The following DCC variants were observed in gnomAD, a reference collection of about 807,000 sequenced individuals.
DCC encodes DCC netrin 1 receptor.
A neutral mutation model predicts 172.5 loss-of-function variants in DCC; 58 were observed. That is an observed-to-expected ratio of 0.34 (90% CI 0.27 to 0.42). The LOEUF (loss-of-function observed/expected upper bound fraction) is 0.42, where lower values mean the gene tolerates loss of function less well. DCC is among the 10% of genes least tolerant of loss of function. DCC has a pLI of 1.00. For synonymous variants in DCC, 709 were observed against 644.5 expected (o/e 1.10, Z -1.52); for missense variants, 1,740 against 1,791.0 (o/e 0.97, Z 0.51).
At chr18:52,572,662 T>C (rs2033326575) in intron 1 of DCC, among the ~76,000 whole-genome samples, 1 of 152,154 alleles carries the variant, frequency 6.6e-6, no homozygotes, top group East Asian at 1.9e-4. Flanking sequence ...CAGCCTCTGC[T>C]TCACCTCCCA....
intron 5 of DCC, among the ~76,000 whole-genome samples, chr18:53,017,233 T>C (rs2041821390): frequency 6.6e-6 from 1 of 151,972 alleles, no homozygotes; most frequent in Admixed American, 6.6e-5. Flanking sequence ...CCGCCAAAGT[T>C]GGGTGAAGGG....
intron 14 of DCC, among the ~76,000 whole-genome samples, chr18:53,335,276 A>G (rs185899265): frequency 8.1e-4 from 123 of 152,250 alleles, no homozygotes; most frequent in African/African-American, 2.8e-3. Flanking sequence ...TGGATGGGTC[A>G]GTTATTGTCC....
chr18:52,370,890 A>AT (rs1451753014), intron 1 of DCC, among the ~76,000 whole-genome samples: 1 of 152,184 alleles, frequency 6.6e-6, no homozygotes, highest in Non-Finnish European at 1.5e-5. Flanking sequence ...AAATCATTGT[A>AT]TTTTTTTGAA....
chr18:52,799,301 T>G (rs12604744), intron 2 of DCC, among the ~76,000 whole-genome samples: 1 of 152,198 alleles, frequency 6.6e-6, no homozygotes, highest in Non-Finnish European at 1.5e-5. Flanking sequence ...GTTTGAAGTT[T>G]GGGAATTTGG....
At chr18:52,708,540 C>T (rs528189169) in intron 1 of DCC, among the ~76,000 whole-genome samples, 2 of 152,010 alleles carry the variant, frequency 1.3e-5, no homozygotes, top group South Asian at 4.2e-4. Context: ...AGGCCAAAGG[C>T]AAAAGATGGT....
At chr18:52,959,431 G>T (rs548076545) in intron 5 of DCC, among the ~76,000 whole-genome samples, 9 of 152,024 alleles carry the variant, frequency 5.9e-5, no homozygotes, top group African/African-American at 2.2e-4. Flanking sequence ...CTAAACGCAG[G>T]CATATACACT....
At chr18:52,413,063 T>C (rs74755454) in intron 1 of DCC, among the ~76,000 whole-genome samples, 2,862 of 152,130 alleles carry the variant, frequency 0.019, 86 homozygotes, top group South Asian at 0.095. Flanking sequence ...CTCCATTGTC[T>C]TCAGTAGGCC....
At chr18:52,796,796 CA>C (rs2037885486) in intron 2 of DCC, among the ~76,000 whole-genome samples, 1 of 152,094 alleles carries the variant, frequency 6.6e-6, no homozygotes, top group East Asian at 1.9e-4. Context: ...TTGGAGAAGA[CA>C]TTTTTGAATT....
At chr18:52,578,978 T>C (rs2144773187) in intron 1 of DCC, among the ~76,000 whole-genome samples, 1 of 152,282 alleles carries the variant, frequency 6.6e-6, no homozygotes, top group East Asian at 1.9e-4. Flanking sequence ...AGACTCCGTC[T>C]GGAAAAACAA....
chr18:53,363,961 G>A (rs770177011), intron 15 of DCC, among the ~76,000 whole-genome samples: 13 of 152,206 alleles, frequency 8.5e-5, no homozygotes, highest in East Asian at 1.9e-4. Context: ...GATCATTAAC[G>A]TTATAATAAC....
At chr18:52,867,890 GTC>G (rs1184788671) in intron 2 of DCC, among the ~76,000 whole-genome samples, 3 of 151,976 alleles carry the variant, frequency 2.0e-5, no homozygotes, top group Non-Finnish European at 4.4e-5. Context: ...TTTGTTTTAG[GTC>G]AGATTTTTGC....
intron 2 of DCC, among the ~76,000 whole-genome samples, chr18:52,869,254 T>A (rs2039279790): frequency 6.6e-6 from 1 of 152,200 alleles, no homozygotes; most frequent in African/African-American, 2.4e-5. Context: ...GGAGTTTTAT[T>A]GACAATAGAA....
At chr18:52,763,574 A>G (rs1213459182) in intron 2 of DCC, among the ~76,000 whole-genome samples, 1 of 152,202 alleles carries the variant, frequency 6.6e-6, no homozygotes, top group African/African-American at 2.4e-5. Context: ...CTTCCACCTC[A>G]GTATACACAT....
At chr18:53,358,491 G>A (rs1053486206) in intron 15 of DCC, among the ~76,000 whole-genome samples, 7 of 150,076 alleles carry the variant, frequency 4.7e-5, no homozygotes, top group African/African-American at 9.8e-5. Context: ...ATTTAGGAAC[G>A]TGGAGGATAC....
chr18:53,443,566 A>T (rs951365422), intron 22 of DCC, among the ~76,000 whole-genome samples: 1 of 152,184 alleles, frequency 6.6e-6, no homozygotes, highest in Non-Finnish European at 1.5e-5. Flanking sequence ...CAGCCCATGG[A>T]TCAATGAGTC....
chr18:52,760,168 A>G (rs1045114048), intron 2 of DCC, among the ~76,000 whole-genome samples: 28 of 152,324 alleles, frequency 1.8e-4, no homozygotes, highest in Admixed American at 6.5e-4. Flanking sequence ...ACTTGTAATC[A>G]TGGTGGAAAG....
intron 1 of DCC, among the ~76,000 whole-genome samples, chr18:52,363,666 T>G (rs768850742): frequency 6.6e-6 from 1 of 152,218 alleles, no homozygotes. Flanking sequence ...TTAAAAAATA[T>G]ATATTTAAGC....
chr18:53,464,220 C>A (rs981628980), intron 24 of DCC, among the ~76,000 whole-genome samples: 2 of 152,144 alleles, frequency 1.3e-5, no homozygotes, highest in Admixed American at 1.3e-4. Flanking sequence ...TTATCCTAGT[C>A]TAATTTCACT....
At chr18:52,794,229 TGTA>T (rs1451544975) in intron 2 of DCC, among the ~76,000 whole-genome samples, 3 of 152,144 alleles carry the variant, frequency 2.0e-5, no homozygotes, top group African/African-American at 7.2e-5. Flanking sequence ...CTCTTGAATC[TGTA>T]GTACTATGGT....
Sources: gnomAD v4.1 joint callset for allele counts (sites outside exome capture counted in the v4.1 genomes callset) on GRCh38, gnomAD v4.1.1 for gene constraint, MANE v1.5 for transcripts, NCBI Gene and HGNC (gene_info 2026-07-23, HGNC 2026-07-21) for gene names.